CCSER1: variants seen among roughly 807,000 people sequenced by gnomAD.
CCSER1 encodes coiled-coil serine rich protein 1.
CCSER1 carries 41 observed loss-of-function variants against 82.0 expected under a neutral mutation model. That is an observed-to-expected ratio of 0.50 (90% CI 0.39 to 0.65). The LOEUF (loss-of-function observed/expected upper bound fraction) is 0.65. Among genes scored for constraint, CCSER1 ranks in the 30% least tolerant of loss-of-function variants. The pLI is 0.00. For synonymous variants in CCSER1, 414 were observed against 383.9 expected (o/e 1.08, Z -0.92); for missense variants, 1,119 against 1,064.2 (o/e 1.05, Z -0.72).
intron 8 of CCSER1, among the ~76,000 whole-genome samples, chr4:90,861,029 T>G (rs1410221479): frequency 6.6e-6 from 1 of 151,632 alleles, no homozygotes; most frequent in Non-Finnish European, 1.5e-5. Context: ...TATAACTCGA[T>G]AAAACAATTA....
intron 3 of CCSER1, among the ~76,000 whole-genome samples, chr4:90,390,601 A>G (rs568738747): frequency 3.3e-4 from 50 of 152,304 alleles, no homozygotes; most frequent in Non-Finnish European, 6.5e-4. Context: ...TGTTGCTGCA[A>G]AAGACATGCT....
At chr4:90,695,651 CT>C (rs1736864439) in intron 6 of CCSER1, among the ~76,000 whole-genome samples, 1 of 151,956 alleles carries the variant, frequency 6.6e-6, no homozygotes, top group South Asian at 2.1e-4. Flanking sequence ...TTACTTGCTC[CT>C]TTAAAGGAAT....
intron 10 of CCSER1, among the ~76,000 whole-genome samples, chr4:91,194,932 AC>A (rs1312436514): frequency 1.3e-5 from 2 of 152,242 alleles, no homozygotes; most frequent in African/African-American, 4.8e-5. Flanking sequence ...TGCCCTATTT[AC>A]AAAAAGTAAT....
At chr4:91,327,191 AG>A (rs964014756) in intron 10 of CCSER1, among the ~76,000 whole-genome samples, 1 of 152,122 alleles carries the variant, frequency 6.6e-6, no homozygotes, top group Non-Finnish European at 1.5e-5. Context: ...TCCCTAGTAG[AG>A]TTTCTCCGTG....
intron 5 of CCSER1, among the ~76,000 whole-genome samples, chr4:90,589,123 T>C (rs1782387226): frequency 6.6e-6 from 1 of 152,116 alleles, no homozygotes; most frequent in Non-Finnish European, 1.5e-5. Flanking sequence ...TACAGATGAA[T>C]TAATTTATAC....
chr4:90,255,265 T>C (rs1723071539), intron 1 of CCSER1, among the ~76,000 whole-genome samples: 2 of 152,050 alleles, frequency 1.3e-5, no homozygotes, highest in African/African-American at 4.8e-5. Context: ...AGCATAACCA[T>C]ATATTTTTTT....
intron 10 of CCSER1, among the ~76,000 whole-genome samples, chr4:91,152,992 G>A (rs1157975787): frequency 2.0e-5 from 3 of 151,762 alleles, no homozygotes; most frequent in Non-Finnish European, 4.4e-5. Flanking sequence ...ATGTGTCTTG[G>A]AGTTGCTCTT....
At chr4:90,874,051 T>A (rs1766891658) in intron 8 of CCSER1, among the ~76,000 whole-genome samples, 1 of 152,176 alleles carries the variant, frequency 6.6e-6, no homozygotes, top group South Asian at 2.1e-4. Context: ...TAATGATAAG[T>A]AAATGATTCT....
chr4:90,247,787 A>T (rs1368189021), intron 1 of CCSER1, among the ~76,000 whole-genome samples: 1 of 151,962 alleles, frequency 6.6e-6, no homozygotes, highest in Non-Finnish European at 1.5e-5. Context: ...AGTCAGTTTT[A>T]TATATATTAT....
intron 10 of CCSER1, among the ~76,000 whole-genome samples, chr4:91,376,035 T>C (rs927928693): frequency 8.5e-5 from 13 of 152,124 alleles, no homozygotes; most frequent in African/African-American, 3.1e-4. Flanking sequence ...AAGAACTTTC[T>C]AGATAAACTT....
chr4:91,184,454 C>T (rs1458798355), intron 10 of CCSER1, among the ~76,000 whole-genome samples: 1 of 152,158 alleles, frequency 6.6e-6, no homozygotes, highest in Non-Finnish European at 1.5e-5. Context: ...TTTAATGCTC[C>T]CATAGGTTGT....
chr4:91,148,555 T>C (rs537486678), intron 10 of CCSER1, among the ~76,000 whole-genome samples: 1 of 152,308 alleles, frequency 6.6e-6, no homozygotes, highest in African/African-American at 2.4e-5. Context: ...TACATATGTA[T>C]ACATATGCCA....
intron 5 of CCSER1, among the ~76,000 whole-genome samples, chr4:90,519,401 T>C (rs978102670): frequency 1.3e-5 from 2 of 151,902 alleles, no homozygotes; most frequent in Non-Finnish European, 2.9e-5. Flanking sequence ...AATTTAAGCT[T>C]CTTAAAATTT....
chr4:90,217,354 G>A (rs1204218930), intron 1 of CCSER1, among the ~76,000 whole-genome samples: 1 of 152,028 alleles, frequency 6.6e-6, no homozygotes, highest in African/African-American at 2.4e-5. Context: ...CTGCCACCAT[G>A]CCTGGCTAAT....
At chr4:90,454,853 T>C (rs993446789) in intron 4 of CCSER1, among the ~76,000 whole-genome samples, 4 of 152,202 alleles carry the variant, frequency 2.6e-5, no homozygotes, top group African/African-American at 7.2e-5. Context: ...TCTCTTAATC[T>C]GCCTTAAGTT....
chr4:90,437,927 A>G (rs1759274896), intron 4 of CCSER1, among the ~76,000 whole-genome samples: 1 of 152,180 alleles, frequency 6.6e-6, no homozygotes, highest in African/African-American at 2.4e-5. Context: ...AACAATAGTT[A>G]AAAATATGGA....
chr4:90,231,652 T>C (rs1489988272), intron 1 of CCSER1, among the ~76,000 whole-genome samples: 4 of 150,844 alleles, frequency 2.7e-5, no homozygotes, highest in South Asian at 2.1e-4. Context: ...AAATAAAGGG[T>C]ATTCAATTAG....
chr4:90,918,871 C>G (rs1470798697), intron 8 of CCSER1, among the ~76,000 whole-genome samples: 2 of 151,670 alleles, frequency 1.3e-5, no homozygotes, highest in East Asian at 1.9e-4. Context: ...AATATCATTG[C>G]TATCAAAAGG....
chr4:90,548,725 A>AAG (rs1553939923), intron 5 of CCSER1, among the ~76,000 whole-genome samples: 1 of 127,306 alleles, frequency 7.9e-6, no homozygotes, highest in Non-Finnish European at 1.6e-5. Context: ...TTATCATTTA[A>AAG]AGATATATAT....
Sources: gnomAD v4.1 joint callset for allele counts (sites outside exome capture counted in the v4.1 genomes callset) on GRCh38, gnomAD v4.1.1 for gene constraint, MANE v1.5 for transcripts, NCBI Gene and HGNC (gene_info 2026-07-23, HGNC 2026-07-21) for gene names.